AMBRA1: variants seen among roughly 807,000 people sequenced by gnomAD.
AMBRA1 encodes the protein activating molecule in BECN1-regulated autophagy protein 1.
In AMBRA1, 47 loss-of-function variants were observed where a neutral mutation model predicts 125.4. The observed-to-expected ratio is 0.37, with a 90% CI of 0.30 to 0.48. The LOEUF (loss-of-function observed/expected upper bound fraction) is 0.48. Among genes scored for constraint, AMBRA1 ranks in the 20% least tolerant of loss-of-function variants. The pLI, the probability that AMBRA1 is intolerant of heterozygous loss-of-function variation, is 0.99. For synonymous variants in AMBRA1, 626 were observed against 655.5 expected, an observed-to-expected ratio of 0.95 and a Z score of 0.69; for missense variants, 1,331 against 1,693.4, an observed-to-expected ratio of 0.79 and a Z score of 3.76.
chr11:46,543,822 C>G (rs927447395), intron 6 of AMBRA1, among the ~76,000 whole-genome samples, 153 bp downstream of exon 6: 2 of 152,088 alleles, frequency 1.3e-5, no homozygotes, highest in Middle Eastern at 3.2e-3. Flanking sequence ...TGGCTATAAC[C>G]CTGAATATAC....
At chr11:46,527,477 C>CAAAAAAAAAAAAAAAAAAAAAAAAA (rs59904013) in intron 7 of AMBRA1, among the ~76,000 whole-genome samples, 2 of 25,938 alleles carry the variant, frequency 7.7e-5, no homozygotes, top group African/African-American at 2.0e-4. Context: ...GAGACTGTCT[C>CAAAAAAAAAAAAAAAAAAAAAAAAA]AAAAAAAAAA....
intron 17 of AMBRA1, 38 bp downstream of exon 17, chr11:46,408,475 T>G (rs1438812140): frequency 4.8e-6 from 7 of 1,473,538 alleles, no homozygotes; most frequent in Non-Finnish European, 5.4e-6. Flanking sequence ...GGTCTTAGGG[T>G]CCCTCTCCCA....
intron 14 of AMBRA1, among the ~76,000 whole-genome samples, chr11:46,425,091 G>A (rs1361469319): frequency 6.6e-6 from 1 of 152,120 alleles, no homozygotes; most frequent in Non-Finnish European, 1.5e-5. Context: ...CCGAGATCAC[G>A]CCACTGCACT....
chr11:46,488,179 G>A (rs1345468819), intron 11 of AMBRA1, among the ~76,000 whole-genome samples: 2 of 152,218 alleles, frequency 1.3e-5, no homozygotes, highest in African/African-American at 2.4e-5. Flanking sequence ...AATTGGGCCA[G>A]ATGCAGTGGC....
At chr11:46,552,677 T>TC (rs1396113245) in intron 1 of AMBRA1, among the ~76,000 whole-genome samples, 5 of 120,808 alleles carry the variant, frequency 4.1e-5, no homozygotes, top group Non-Finnish European at 6.7e-5. Context: ...AGATTCTGTC[T>TC]CAAAAAAAAA....
At chr11:46,442,203 T>A (rs1372780709) in intron 12 of AMBRA1, among the ~76,000 whole-genome samples, 2 of 151,370 alleles carry the variant, frequency 1.3e-5, no homozygotes, top group African/African-American at 4.9e-5. Context: ...AGTGTAGGGA[T>A]GTGATCTTGG....
intron 11 of AMBRA1, among the ~76,000 whole-genome samples, chr11:46,484,571 TG>T (rs1292520911): frequency 3.3e-5 from 5 of 152,120 alleles, no homozygotes; most frequent in African/African-American, 1.2e-4. Flanking sequence ...ATTTCTACTT[TG>T]TACTAACTTA....
At chr11:46,467,129 C>A (rs1949363431) in intron 11 of AMBRA1, among the ~76,000 whole-genome samples, 1 of 152,028 alleles carries the variant, frequency 6.6e-6, no homozygotes, top group Non-Finnish European at 1.5e-5. Flanking sequence ...GTTGGCAAGG[C>A]TGGTCTCAAA....
intron 1 of AMBRA1, among the ~76,000 whole-genome samples, chr11:46,552,462 T>C (rs933522122): frequency 8.4e-6 from 1 of 118,352 alleles, no homozygotes; most frequent in Non-Finnish European, 1.7e-5. Context: ...CTGAGGTGGG[T>C]GGTAACAAGT....
At chr11:46,443,001 C>T (rs1031056242) in intron 12 of AMBRA1, among the ~76,000 whole-genome samples, 4 of 152,260 alleles carry the variant, frequency 2.6e-5, no homozygotes, top group Non-Finnish European at 5.9e-5. Context: ...GGATTACAGG[C>T]GTGAGCCACC....
intron 4 of AMBRA1, 59 bp downstream of exon 4, chr11:46,547,054 G>C: frequency 6.7e-7 from 1 of 1,491,158 alleles, no homozygotes; most frequent in Admixed American, 2.1e-5. Context: ...GCGAGACTCC[G>C]TCTCAAAAAA....
intron 17 of AMBRA1, among the ~76,000 whole-genome samples, chr11:46,402,264 G>A (rs896832717): frequency 2.0e-5 from 3 of 152,220 alleles, no homozygotes; most frequent in Admixed American, 2.0e-4. Context: ...ATACATGTAT[G>A]TATTAATAAA....
chr11:46,568,677 C>G (rs1354531359), intron 1 of AMBRA1, among the ~76,000 whole-genome samples: 1 of 146,696 alleles, frequency 6.8e-6, no homozygotes, highest in Non-Finnish European at 1.5e-5. Context: ...GAGGCTGAGG[C>G]AAGAGAATCG....
At chr11:46,552,445 T>C (rs1204571184) in intron 1 of AMBRA1, among the ~76,000 whole-genome samples, 6 of 136,872 alleles carry the variant, frequency 4.4e-5, no homozygotes, top group African/African-American at 1.6e-4. Context: ...CCCAGCACTT[T>C]GGGAGGCTGA....
chr11:46,501,431 G>C (rs988751215), intron 9 of AMBRA1, among the ~76,000 whole-genome samples: 4 of 152,218 alleles, frequency 2.6e-5, no homozygotes, highest in Non-Finnish European at 5.9e-5. Context: ...TGAGCTGCCA[G>C]GATAGGCTCC....
chr11:46,581,096 A>G (rs1228317379), intron 1 of AMBRA1, among the ~76,000 whole-genome samples: 1 of 151,954 alleles, frequency 6.6e-6, no homozygotes, highest in African/African-American at 2.4e-5. Flanking sequence ...GCCCGGCCCC[A>G]GAGTAACGTT....
chr11:46,408,527 G>A lies in AMBRA1; in HGVS notation c.3389C>T (p.Ser1130Leu). The change falls in exon 17 of 18, where the codon TCA (serine) becomes TTA (leucine). Residue 1130 changes from serine to leucine, a missense_variant. Around this residue, in one of 4 missense-constraint regions of AMBRA1, gnomAD observed 354 missense variants for 532.7 expected, o/e 0.66. Coordinates refer to ENST00000683756, the MANE Select transcript of AMBRA1 (RefSeq NM_001387011.1). ...REVPEPGTAASGPGEGEGSEY... is the reference protein window; with the variant it reads ...REVPEPGTAALGPGEGEGSEY... ...ATGGCTCCTACCTTCACCAGGACCT[G>A]AGGCGGCTGTCCCTGGCTCCGGCAC... 2 of 1,571,712 alleles carry A rather than the reference G, an allele frequency of 1.3e-6. No homozygotes were observed. The highest frequency in any genetic ancestry group is 1.7e-6 in the Non-Finnish European group (2 of 1,155,346).
At chr11:46,426,710 A>G (rs921031198) in intron 14 of AMBRA1, among the ~76,000 whole-genome samples, 1 of 152,184 alleles carries the variant, frequency 6.6e-6, no homozygotes, top group African/African-American at 2.4e-5. Context: ...CTTTTTGAGG[A>G]TAGATGCTTT....
At chr11:46,458,933 T>C (rs1249989449) in intron 11 of AMBRA1, among the ~76,000 whole-genome samples, 1 of 152,246 alleles carries the variant, frequency 6.6e-6, no homozygotes, top group African/African-American at 2.4e-5. Context: ...GGCTGAATTA[T>C]ACAGAACCAA....
Sources: gnomAD v4.1 joint callset for allele counts (sites outside exome capture counted in the v4.1 genomes callset) on GRCh38, gnomAD v4.1.1 for gene constraint, gnomAD v4.1.1 regional missense constraint, MANE v1.5 for transcripts, NCBI Gene and HGNC (gene_info 2026-07-23, HGNC 2026-07-21) for gene names.